CCDC93: variants seen among roughly 807,000 people sequenced by gnomAD.
CCDC93 encodes the protein coiled-coil domain-containing protein 93.
In CCDC93, 61 loss-of-function variants were observed where a neutral mutation model predicts 108.2. That is an observed-to-expected ratio of 0.56 (90% confidence interval 0.46 to 0.70). The LOEUF (loss-of-function observed/expected upper bound fraction) is 0.70, where lower values mean the gene tolerates loss of function less well. CCDC93 is among the 30% of genes least tolerant of loss of function. The pLI is 0.00. For synonymous variants in CCDC93, 276 were observed against 260.4 expected (o/e 1.06, Z -0.58); for missense variants, 685 against 764.2 (o/e 0.90, Z 1.22).
intron 13 of CCDC93, chr2:117,949,990 A>C: frequency 1.0e-6 from 1 of 985,418 alleles, no homozygotes; most frequent in Non-Finnish European, 1.2e-6. Flanking sequence ...TGACTCTCTT[A>C]AACACAAGAG....
At chr2:117,982,928 A>T (rs1351737072) in intron 7 of CCDC93, among the ~76,000 whole-genome samples, 1 of 152,220 alleles carries the variant, frequency 6.6e-6, no homozygotes, top group Non-Finnish European at 1.5e-5. Context: ...GTGAAGGGTA[A>T]TAAGTGAAGG....
At chr2:117,968,768 G>T (rs189565290) in intron 11 of CCDC93, among the ~76,000 whole-genome samples, 14 of 151,734 alleles carry the variant, frequency 9.2e-5, no homozygotes, top group African/African-American at 3.4e-4. Flanking sequence ...GATCCTCCCC[G>T]CAAATTATCC....
At position 117,935,443 on chromosome 2, in the gene CCDC93, C is replaced by T. The variant is rs1678490978; in HGVS notation, c.1728+52G>A. ...GAGGCCTTTTCTTCCCAGGACCTTCCCTGTCACCACTATAAAACCTGGGCT... is the reference window on the plus strand; with the variant it reads ...GAGGCCTTTTCTTCCCAGGACCTTCTCTGTCACCACTATAAAACCTGGGCT... On this transcript the variant is annotated intron_variant, in intron 22 of 23. Coordinates refer to ENST00000376300, the MANE Select transcript of CCDC93 (RefSeq NM_019044.5). The T allele has an allele frequency of 2.2e-6, 3 of 1,385,060 alleles. No homozygotes were observed. The East Asian group carries it at 6.9e-5, about 32-fold the overall frequency. 85.8% of individuals were successfully genotyped at this position (1,385,060 alleles called of 1,614,324 possible). A position where few individuals can be genotyped will look rare whatever the true frequency, so the allele number is the denominator to read the frequency against.
chr2:117,926,432 G>A (rs1203722738), intron 23 of CCDC93, among the ~76,000 whole-genome samples: 14 of 152,132 alleles, frequency 9.2e-5, no homozygotes, highest in Non-Finnish European at 1.8e-4. Context: ...AATAATAAAG[G>A]GGATATCACC....
chr2:117,985,137 A>G (rs1202143094), intron 7 of CCDC93, among the ~76,000 whole-genome samples: 2 of 118,308 alleles, frequency 1.7e-5, no homozygotes, highest in Non-Finnish European at 3.6e-5. Flanking sequence ...AAGAAAAAAC[A>G]AAACAAAACA....
intron 8 of CCDC93, among the ~76,000 whole-genome samples, chr2:117,976,631 G>A (rs1050559224): frequency 2.4e-4 from 37 of 152,160 alleles, no homozygotes; most frequent in Admixed American, 1.6e-3. Context: ...TGTGAGATAG[G>A]TACAATGACT....
intron 14 of CCDC93, 62 bp downstream of exon 14, chr2:117,949,260 A>G: frequency 1.7e-6 from 2 of 1,146,578 alleles, no homozygotes; most frequent in Non-Finnish European, 2.6e-6. Context: ...AAATTAAGCC[A>G]ACAAGTATCA....
chr2:117,987,049 A>AG (rs2104802051), intron 6 of CCDC93, among the ~76,000 whole-genome samples: 2 of 152,222 alleles, frequency 1.3e-5, no homozygotes, highest in African/African-American at 4.8e-5. Flanking sequence ...AAAAAAAAAA[A>AG]AAAAGGATTG....
chr2:117,950,723 A>C (rs1009255696), intron 13 of CCDC93: 2 of 985,288 alleles, frequency 2.0e-6, no homozygotes, highest in South Asian at 4.7e-5. Flanking sequence ...AGGCTGACCA[A>C]ATCAAGCTTC....
chr2:117,932,562 G>T (rs1012124484), intron 22 of CCDC93, among the ~76,000 whole-genome samples: 1 of 152,160 alleles, frequency 6.6e-6, no homozygotes, highest in Non-Finnish European at 1.5e-5. Flanking sequence ...CTTTCCACAG[G>T]TCTGCATACG....
At chr2:117,995,582 A>T (rs986157455) in intron 5 of CCDC93, 80 bp from the exon 6 acceptor site, 2 of 1,084,352 alleles carry the variant, frequency 1.8e-6, no homozygotes, top group African/African-American at 1.6e-5. Context: ...ATGTCTTATA[A>T]ATTGACTTCT....
intron 5 of CCDC93, 52 bp from the exon 6 acceptor site, chr2:117,995,554 C>A: frequency 7.7e-7 from 1 of 1,298,578 alleles, no homozygotes; most frequent in South Asian, 1.2e-5. Flanking sequence ...AATTAAAACT[C>A]AAGTGGACCA....
chr2:117,936,937 T>G (rs1678546243), intron 20 of CCDC93, 198 bp from the exon 21 acceptor site: 2 of 572,272 alleles, frequency 3.5e-6, no homozygotes, highest in East Asian at 5.9e-5. Flanking sequence ...GAATCCACCT[T>G]CTTCTCACAG....
At chr2:117,977,928 G>A in intron 8 of CCDC93, 66 bp downstream of exon 8, 1 of 1,242,206 alleles carries the variant, frequency 8.1e-7, no homozygotes, top group East Asian at 2.3e-5. Context: ...GTGAGTGTTA[G>A]TCAGAGGTGA....
rs1376794752 is a variant in CCDC93 at position 118,004,986 on chromosome 2, T to C, written c.251+1736A>G. 3.3e-5 allele frequency among the ~76,000 whole-genome samples: 5 copies of C among 152,328 alleles called. No homozygotes were observed. The South Asian group carries it at 1.0e-3, about 32-fold the overall frequency. ...ACTCTATAATAAAAAAAAATTTATT[T>C]AGCAAAACTTATAAATAGTCACATA... On this transcript the variant is annotated intron_variant, in intron 3 of 23. Coordinates refer to ENST00000376300, the MANE Select transcript of CCDC93 (RefSeq NM_019044.5).
chr2:117,946,361 C>T (rs529999445), intron 16 of CCDC93, among the ~76,000 whole-genome samples: 29 of 152,356 alleles, frequency 1.9e-4, no homozygotes, highest in East Asian at 1.3e-3. Context: ...CCAGACTGCT[C>T]CTGCAAGCCT....
rs749380195 is a variant in CCDC93 at position 117,935,479 on chromosome 2, AAAG to A, written c.1728+13_1728+15del. ...TATAAAACCTGGGCTGCATTACAGA[AAAG>A]AAGCCATCTGACCTTCATTCTACTT... On this transcript the variant is annotated intron_variant, in intron 22 of 23. Transcript: ENST00000376300. 62 of 1,600,794 alleles carry A rather than the reference AAAG, an allele frequency of 3.9e-5. No homozygotes were observed. The highest frequency in any genetic ancestry group is 5.0e-5 in the Non-Finnish European group (58 of 1,168,082).
At chr2:117,979,083 G>A (rs1208668093) in intron 7 of CCDC93, among the ~76,000 whole-genome samples, 2 of 152,138 alleles carry the variant, frequency 1.3e-5, no homozygotes, top group Admixed American at 1.3e-4. Flanking sequence ...TGCTCACCTG[G>A]TCTTGGTCCT....
chr2:117,951,135 T>A, intron 13 of CCDC93: 1 of 984,522 alleles, frequency 1.0e-6, no homozygotes, highest in Non-Finnish European at 1.2e-6. Context: ...TATCAAGATA[T>A]TTTGCCTTTA....
Sources: allele counts gnomAD v4.1 joint callset (sites outside exome capture counted in the v4.1 genomes callset), GRCh38; gene constraint gnomAD v4.1.1; transcripts MANE v1.5; gene names NCBI Gene and HGNC (gene_info 2026-07-23, HGNC 2026-07-21).